NWD2: variants seen among roughly 807,000 people sequenced by gnomAD.
NWD2 encodes NACHT and WD repeat domain-containing protein 2.
NWD2 carries 37 observed loss-of-function variants against 132.7 expected under a neutral mutation model. The ratio of observed to expected loss-of-function variants is 0.28; its 90% confidence interval spans 0.21 to 0.37. The LOEUF is 0.37. Among genes scored for constraint, NWD2 ranks in the 10% least tolerant of loss-of-function variants. The pLI is 1.00. For missense variants in NWD2, 1,592 were observed against 2,122.4 expected, an observed-to-expected ratio of 0.75 and a Z score of 4.91; for synonymous variants, 705 against 803.0, an observed-to-expected ratio of 0.88 and a Z score of 2.06.
At chr4:37,408,549 C>G (rs569401664) in intron 3 of NWD2, among the ~76,000 whole-genome samples, 34 of 152,300 alleles carry the variant, frequency 2.2e-4, no homozygotes, top group Non-Finnish European at 4.7e-4. Context: ...CAGATAAAAC[C>G]CCCATCTCAA....
intron 1 of NWD2, among the ~76,000 whole-genome samples, chr4:37,290,240 T>C (rs1776553): frequency 0.67 from 101,475 of 152,106 alleles, 35,732 homozygotes; most frequent in African/African-American, 0.86. Flanking sequence ...CCAAGATAGA[T>C]AAAACATGCA....
chr4:37,390,699 C>G (rs779214184), intron 3 of NWD2, among the ~76,000 whole-genome samples: 2 of 152,146 alleles, frequency 1.3e-5, no homozygotes, highest in Non-Finnish European at 2.9e-5. Flanking sequence ...ATGATCGACT[C>G]TCTTAGTTTT....
chr4:37,263,562 T>G (rs2109260201), intron 1 of NWD2, among the ~76,000 whole-genome samples: 1 of 152,302 alleles, frequency 6.6e-6, no homozygotes, highest in South Asian at 2.1e-4. Context: ...AGTGTTAGAC[T>G]TCTAAGGTTT....
chr4:37,443,763 T>C lies in NWD2; in HGVS notation c.1775T>C (p.Val592Ala), dbSNP rs951668433. 1 of 1,551,582 alleles carries C rather than the reference T, an allele frequency of 6.4e-7. No homozygotes were observed. Among genetic ancestry groups the C allele is most frequent in the African/African-American group, 1.4e-5 (1 of 72,918 alleles). ...KHQLLRVKRK[V>A]TSGQQIYVNN... is the part of the protein sequence containing the mutation. ...CAGCTGCTGCGCGTCAAAAGGAAGG[T>C]CACATCAGGCCAGCAGATTTATGTG... Residue 592 changes from valine (V) to alanine (A), a missense_variant, in exon 7 of 7, where the codon GTC (valine) becomes GCC (alanine). By Grantham distance (64) the Val-to-Ala change is moderately conservative. Coordinates refer to ENST00000309447, the MANE Select transcript of NWD2 (RefSeq NM_001144990.2). This position sits in a 1 kb window ranked among gnomAD's most constrained non-coding sequence, Gnocchi z 4.1.
At chr4:37,269,229 C>G (rs905226492) in intron 1 of NWD2, among the ~76,000 whole-genome samples, 7 of 151,796 alleles carry the variant, frequency 4.6e-5, no homozygotes, top group African/African-American at 1.5e-4. Context: ...AAAATAACGC[C>G]GGTCACCATT....
chr4:37,380,939 A>C (rs1281504031), intron 3 of NWD2, among the ~76,000 whole-genome samples: 1 of 152,218 alleles, frequency 6.6e-6, no homozygotes, highest in East Asian at 1.9e-4. Context: ...TCCTGCTTAA[A>C]TTCAGAACCA....
At chr4:37,312,139 A>G (rs1718857780) in intron 1 of NWD2, among the ~76,000 whole-genome samples, 1 of 151,424 alleles carries the variant, frequency 6.6e-6, no homozygotes, top group Non-Finnish European at 1.5e-5. Flanking sequence ...TATGAACTTT[A>G]AAGTAGTTTT....
chr4:37,332,998 C>T (rs1380762030), intron 2 of NWD2, among the ~76,000 whole-genome samples: 1 of 152,080 alleles, frequency 6.6e-6, no homozygotes, highest in East Asian at 1.9e-4. Flanking sequence ...GGAAAAGATT[C>T]CTCTGCTCGT....
chr4:37,410,109 A>G (rs1721124137), intron 3 of NWD2, among the ~76,000 whole-genome samples: 1 of 152,194 alleles, frequency 6.6e-6, no homozygotes, highest in South Asian at 2.1e-4. Context: ...TAATGGGCAA[A>G]ACAACCAGCT....
At chr4:37,257,461 G>A (rs1213995522) in intron 1 of NWD2, among the ~76,000 whole-genome samples, 1 of 152,118 alleles carries the variant, frequency 6.6e-6, no homozygotes, top group East Asian at 1.9e-4. Context: ...TGAAAAATTG[G>A]AGCAATAATA....
Position 37,438,984 on chromosome 4 carries a change from A to T in NWD2, c.890A>T (p.Lys297Met). 6.4e-7 allele frequency: 1 copy of T among 1,551,976 alleles called. No individual in the cohort carries two copies. The highest frequency in any genetic ancestry group is 1.2e-5 in the South Asian group (1 of 84,062). Residue 297 changes from lysine (K) to methionine (M), a missense_variant, in exon 6 of 7, where the codon AAG (lysine) becomes ATG (methionine). By Grantham distance (95) the Lys-to-Met change is moderately conservative (BLOSUM62 -1). Transcript: ENST00000309447. Reference protein sequence around the residue: ...RIIRDPEAQEKLIKLRDEFIP... With the variant: ...RIIRDPEAQEMLIKLRDEFIP... ...ATTCGGGACCCAGAAGCCCAAGAGAAGCTGATAAAACTCAGGGATGAATTT... is the reference window on the plus strand; with the variant it reads ...ATTCGGGACCCAGAAGCCCAAGAGATGCTGATAAAACTCAGGGATGAATTT...
intron 1 of NWD2, among the ~76,000 whole-genome samples, chr4:37,286,508 G>A (rs938001133): frequency 1.3e-5 from 2 of 152,224 alleles, no homozygotes; most frequent in African/African-American, 4.8e-5. Context: ...ATTTAAATAT[G>A]CATGTGCAAA....
intron 1 of NWD2, among the ~76,000 whole-genome samples, chr4:37,300,462 A>C (rs1718591602): frequency 6.6e-6 from 1 of 152,122 alleles, no homozygotes; most frequent in African/African-American, 2.4e-5. Context: ...CTTTAAATAG[A>C]CTTTAACATG....
At chr4:37,331,804 A>G (rs1434351856) in intron 2 of NWD2, among the ~76,000 whole-genome samples, 2 of 152,218 alleles carry the variant, frequency 1.3e-5, no homozygotes, top group African/African-American at 2.4e-5. Context: ...ACAGTCTTGA[A>G]TTTCCAGTGC....
At chr4:37,335,411 A>G (rs987906233) in intron 2 of NWD2, among the ~76,000 whole-genome samples, 4 of 151,956 alleles carry the variant, frequency 2.6e-5, no homozygotes, top group Admixed American at 2.6e-4. Flanking sequence ...TTTATTTCTA[A>G]TCTTTACTAG....
chr4:37,301,319 G>A (rs1273193350), intron 1 of NWD2, among the ~76,000 whole-genome samples: 2 of 151,960 alleles, frequency 1.3e-5, no homozygotes, highest in East Asian at 3.9e-4. Flanking sequence ...TATATTCATT[G>A]TGCCTGGAAT....
chr4:37,411,459 C>A (rs1174527346), intron 3 of NWD2, among the ~76,000 whole-genome samples: 2 of 152,132 alleles, frequency 1.3e-5, no homozygotes, highest in Non-Finnish European at 2.9e-5. Context: ...CTGAATAAAC[C>A]AATAACAAGT....
At chr4:37,384,029 A>G (rs1720510618) in intron 3 of NWD2, among the ~76,000 whole-genome samples, 2 of 152,146 alleles carry the variant, frequency 1.3e-5, no homozygotes, top group South Asian at 2.1e-4. Context: ...AACATGTCTC[A>G]TGGTGGTTTG....
At chr4:37,274,795 G>A (rs1015628670) in intron 1 of NWD2, among the ~76,000 whole-genome samples, 4 of 151,978 alleles carry the variant, frequency 2.6e-5, no homozygotes, top group East Asian at 1.9e-4. Context: ...ATCAATAAAC[G>A]TAATCCAACA....
Sources: gnomAD v4.1 joint callset for allele counts (sites outside exome capture counted in the v4.1 genomes callset) on GRCh38, gnomAD v4.1.1 for gene constraint, Gnocchi (gnomAD v3.1) non-coding constraint, MANE v1.5 for transcripts, NCBI Gene and HGNC (gene_info 2026-07-23, HGNC 2026-07-21) for gene names.